Variants in MTDH observed in about 807,000 individuals in gnomAD.
MTDH encodes the protein protein LYRIC.
Under a neutral mutation model 72.7 loss-of-function variants are expected in MTDH, and 34 were observed. The ratio of observed to expected loss-of-function variants is 0.47; its 90% CI spans 0.36 to 0.62. The LOEUF is 0.62. MTDH is among the 20% of genes least tolerant of loss of function. The pLI is 0.00. For synonymous variants in MTDH, 266 were observed against 268.9 expected, an observed-to-expected ratio of 0.99 and a Z score of 0.10; for missense variants, 677 against 699.4, an observed-to-expected ratio of 0.97 and a Z score of 0.36.
intron 6 of MTDH, among the ~76,000 whole-genome samples, chr8:97,691,512 T>A: frequency 6.6e-6 from 1 of 152,204 alleles, no homozygotes. Context: ...TTTCAACAAT[T>A]CTGTTGAGTC....
At chr8:97,672,363 A>C (rs1255846921) in intron 2 of MTDH, among the ~76,000 whole-genome samples, 1 of 151,984 alleles carries the variant, frequency 6.6e-6, no homozygotes, top group Non-Finnish European at 1.5e-5. Flanking sequence ...GTTTTATCTG[A>C]GTGCTTTGAT....
intron 2 of MTDH, 99 bp downstream of exon 2, chr8:97,661,272 C>T: frequency 1.3e-6 from 1 of 795,490 alleles, no homozygotes; most frequent in Non-Finnish European, 1.9e-6. Context: ...GTATACCTCT[C>T]ATTTAAACAA....
chr8:97,648,224 G>A (rs993551514), intron 1 of MTDH, among the ~76,000 whole-genome samples: 1 of 151,952 alleles, frequency 6.6e-6, no homozygotes, highest in African/African-American at 2.4e-5. Flanking sequence ...AGTGAGGGGG[G>A]CCACTTTTTA....
chr8:97,652,124 C>T (rs868182799), intron 1 of MTDH, among the ~76,000 whole-genome samples: 5 of 152,206 alleles, frequency 3.3e-5, no homozygotes, highest in Admixed American at 6.5e-5. Flanking sequence ...CCTTTCTCAA[C>T]GCACTAGTAA....
chr8:97,660,883 T>TTTTA (rs1554574424), intron 1 of MTDH, among the ~76,000 whole-genome samples, 189 bp from the exon 2 acceptor site: 2 of 128,234 alleles, frequency 1.6e-5, no homozygotes, highest in Admixed American at 9.3e-5. Context: ...CTTATGAATT[T>TTTTA]TATATATATA....
intron 9 of MTDH, among the ~76,000 whole-genome samples, chr8:97,714,539 A>T (rs751701215): frequency 6.6e-6 from 1 of 151,944 alleles, no homozygotes; most frequent in Non-Finnish European, 1.5e-5. Flanking sequence ...GGGAGGCAGA[A>T]CTTGCAGTGA....
intron 10 of MTDH, among the ~76,000 whole-genome samples, chr8:97,719,478 G>T (rs951440408): frequency 3.2e-5 from 4 of 126,776 alleles, no homozygotes; most frequent in Admixed American, 8.3e-5. Context: ...AGGCAAGAGA[G>T]CAAGACACTG....
At chr8:97,723,205 T>C (rs571102783) in intron 11 of MTDH, among the ~76,000 whole-genome samples, 170 bp downstream of exon 11, 3 of 151,870 alleles carry the variant, frequency 2.0e-5, no homozygotes, top group Non-Finnish European at 4.4e-5. Context: ...AAGACCATCC[T>C]GGCTAACATG....
intron 2 of MTDH, among the ~76,000 whole-genome samples, chr8:97,670,358 C>T (rs1324320871): frequency 6.6e-6 from 1 of 151,980 alleles, no homozygotes; most frequent in Non-Finnish European, 1.5e-5. Context: ...GTGGCTCGTG[C>T]CTGTAATTCC....
chr8:97,715,846 G>A (rs541930524), intron 9 of MTDH, among the ~76,000 whole-genome samples: 4 of 152,152 alleles, frequency 2.6e-5, no homozygotes, highest in South Asian at 2.1e-4. Context: ...AATGTTTAAC[G>A]TATTGGCAAA....
intron 5 of MTDH, among the ~76,000 whole-genome samples, chr8:97,690,202 G>A (rs182158355): frequency 1.9e-4 from 29 of 152,170 alleles, no homozygotes; most frequent in Admixed American, 1.2e-3. Flanking sequence ...TGTTGGCCAG[G>A]CTAGTCTTGA....
chr8:97,645,793 A>G (rs1237862196), intron 1 of MTDH, among the ~76,000 whole-genome samples: 1 of 152,178 alleles, frequency 6.6e-6, no homozygotes, highest in Non-Finnish European at 1.5e-5. Flanking sequence ...AGTTTTATGT[A>G]TTTTTAAAAA....
chr8:97,714,012 A>AT (rs1327418882), intron 9 of MTDH, among the ~76,000 whole-genome samples: 1 of 152,164 alleles, frequency 6.6e-6, no homozygotes, highest in Non-Finnish European at 1.5e-5. Flanking sequence ...TTATTCATGC[A>AT]TTTTTTTATT....
intron 6 of MTDH, 66 bp from the exon 7 acceptor site, chr8:97,699,688 C>T: frequency 1.8e-6 from 2 of 1,081,158 alleles, no homozygotes; most frequent in Non-Finnish European, 2.8e-6. Flanking sequence ...AAGTATAGAA[C>T]TATTGTTATG....
intron 7 of MTDH, among the ~76,000 whole-genome samples, chr8:97,700,415 T>C (rs1354916293): frequency 2.0e-5 from 3 of 152,212 alleles, no homozygotes; most frequent in African/African-American, 7.2e-5. Flanking sequence ...CATCCTTTTT[T>C]ACTATTTACT....
intron 6 of MTDH, among the ~76,000 whole-genome samples, chr8:97,694,864 AG>A (rs1813763458): frequency 6.6e-6 from 1 of 151,966 alleles, no homozygotes; most frequent in Non-Finnish European, 1.5e-5. Context: ...CGGAGATTGC[AG>A]TGAGCCAAGG....
chr8:97,674,117 C>T (rs1414280774), intron 2 of MTDH, among the ~76,000 whole-genome samples: 1 of 151,894 alleles, frequency 6.6e-6, no homozygotes, highest in Non-Finnish European at 1.5e-5. Context: ...AATCAAGTCA[C>T]TGGCACTCCA....
At chr8:97,704,211 G>A (rs1184465134) in intron 7 of MTDH, among the ~76,000 whole-genome samples, 1 of 152,136 alleles carries the variant, frequency 6.6e-6, no homozygotes, top group East Asian at 1.9e-4. Context: ...GGCAGAATCT[G>A]TCACTCTGTA....
chr8:97,719,317 A>C, intron 10 of MTDH, 128 bp downstream of exon 10: 1 of 864,746 alleles, frequency 1.2e-6, no homozygotes, highest in Non-Finnish European at 1.7e-6. Flanking sequence ...ACATAGTGAA[A>C]CCCCGTCTCT....
Sources: gnomAD v4.1 joint callset for allele counts (sites outside exome capture counted in the v4.1 genomes callset) on GRCh38, gnomAD v4.1.1 for gene constraint, MANE v1.5 for transcripts, NCBI Gene and HGNC (gene_info 2026-07-23, HGNC 2026-07-21) for gene names.